Variants in SLC22A25 observed in about 807,000 individuals in gnomAD.
The protein encoded by SLC22A25 is MGI:2442751, MGI:2385316, MGI:3042283, MGI:3645714, MGI:3605624, MGI:2442750.
In SLC22A25, 44 loss-of-function variants were observed where a neutral mutation model predicts 45.9. The ratio of observed to expected loss-of-function variants is 0.96; its 90% confidence interval spans 0.75 to 1.23. SLC22A25 has a LOEUF of 1.23. Among genes scored for constraint, SLC22A25 ranks in the 50% most tolerant of loss-of-function variants. The pLI is 0.00. For synonymous variants in SLC22A25, 283 were observed against 238.6 expected, an observed-to-expected ratio of 1.19 and a Z score of -1.72; for missense variants, 800 against 666.4, an observed-to-expected ratio of 1.20 and a Z score of -2.21.
At chr11:63,220,090 A>G (rs1217083448) in intron 5 of SLC22A25, 15 of 1,028,538 alleles carry the variant, frequency 1.5e-5, no homozygotes, top group Non-Finnish European at 2.0e-5. Flanking sequence ...GACTGTGACA[A>G]TATTGTCCTT....
rs573691625 is a variant in SLC22A25, at chr11:63,159,988, T to G, written c.*3836A>C. Among the ~76,000 whole-genome samples, 22 of 152,274 alleles carry G rather than the reference T, an allele frequency of 1.4e-4. No homozygotes were observed. The East Asian group carries it at 3.5e-3, about 24-fold the overall frequency. On this transcript the variant is annotated 3_prime_UTR_variant, in exon 12 of 12. Transcript: ENST00000306494. ...TTAGGGTATCTGTCAGAAGAAATTT[T>G]TAAGCAGCAAAGCATTCAAGATGTG...
chr11:63,234,822 G>A (rs998020341), intron 3 of SLC22A25, among the ~76,000 whole-genome samples: 2 of 152,136 alleles, frequency 1.3e-5, no homozygotes, highest in Non-Finnish European at 2.9e-5. Context: ...AGCTCTTTTA[G>A]GGCATGCCTG....
intron 9 of SLC22A25, among the ~76,000 whole-genome samples, chr11:63,178,490 C>CT (rs2088200111): frequency 7.0e-6 from 1 of 142,620 alleles, no homozygotes; most frequent in Admixed American, 7.0e-5. Flanking sequence ...TTTTTTTTGT[C>CT]TTTTTGATAA....
intron 7 of SLC22A25, among the ~76,000 whole-genome samples, chr11:63,216,739 T>A (rs1191366349): frequency 6.6e-6 from 1 of 152,136 alleles, no homozygotes; most frequent in Non-Finnish European, 1.5e-5. Flanking sequence ...GGTGATAAAA[T>A]AATCTGTACA....
Position 63,183,721 on chromosome 11 carries a change from C to T in SLC22A25, c.927G>A (p.Lys309=). The part of the protein sequence containing the change: ...LRKAAHRNGM[K]NAEDILTMEV... ...CCATGGTTAGGATGTCTTCAGCATT[C>T]TTCATTCCATTCCTGTGTGCAGCTT... Residue 309 remains lysine (K), a synonymous_variant, in exon 8 of 12, where the codon AAG becomes AAA. Coordinates refer to ENST00000306494, the MANE Select transcript of SLC22A25 (RefSeq NM_199352.6). 6.2e-7 allele frequency: 1 copy of T among 1,613,184 alleles called. No individual in the cohort carries two copies. Among genetic ancestry groups the T allele is most frequent in the Non-Finnish European group, 8.5e-7 (1 of 1,179,348 alleles).
intron 7 of SLC22A25, among the ~76,000 whole-genome samples, chr11:63,193,986 A>G (rs1227330373): frequency 6.6e-6 from 1 of 152,248 alleles, no homozygotes; most frequent in Non-Finnish European, 1.5e-5. Flanking sequence ...GATGGAGCTG[A>G]AAACCATGGC....
At position 63,243,513 on chromosome 11, in the gene SLC22A25, C is replaced by T. The variant is rs2090286328; in HGVS notation, c.-1075G>A. 1.3e-6 allele frequency: 1 copy of T among 762,212 alleles called. No homozygotes were observed. Among genetic ancestry groups the T allele is most frequent in the Admixed American group, 1.7e-5 (1 of 57,552 alleles). The allele number at this position is 762,212 out of a possible 1,614,324, so 47.2% of individuals were successfully genotyped here. ...GGTGCTGTCTGCATGTTCCTGGCCT[C>T]CAGGCTCAAAGAGTCCAGCCCACTG... On this transcript the variant is annotated 5_prime_UTR_variant, in exon 1 of 12. Coordinates refer to ENST00000306494, the MANE Select transcript of SLC22A25 (RefSeq NM_199352.6).
At chr11:63,236,476 G>A (rs1394639254) in intron 3 of SLC22A25, among the ~76,000 whole-genome samples, 1 of 152,178 alleles carries the variant, frequency 6.6e-6, no homozygotes, top group Non-Finnish European at 1.5e-5. Context: ...TGTGCCGTTT[G>A]TGAAGCCCAT....
intron 4 of SLC22A25, among the ~76,000 whole-genome samples, chr11:63,228,888 G>A (rs2090014782): frequency 6.6e-6 from 1 of 152,162 alleles, no homozygotes; most frequent in Non-Finnish European, 1.5e-5. Flanking sequence ...TATGATTGTT[G>A]TAAGATATAG....
At chr11:63,214,237 A>G (rs2089653245) in intron 7 of SLC22A25, among the ~76,000 whole-genome samples, 1 of 152,178 alleles carries the variant, frequency 6.6e-6, no homozygotes, top group Admixed American at 6.5e-5. Flanking sequence ...TATACAGTCA[A>G]CTATAGAGGC....
chr11:63,236,852 C>G (rs1396452078), intron 3 of SLC22A25, among the ~76,000 whole-genome samples: 5 of 152,190 alleles, frequency 3.3e-5, no homozygotes, highest in Admixed American at 3.3e-4. Flanking sequence ...TCACACTTAG[C>G]TTACCTAATG....
At chr11:63,181,542 G>A (rs7938863) in intron 8 of SLC22A25, among the ~76,000 whole-genome samples, 74,430 of 151,682 alleles carry the variant, frequency 0.49, 19,186 homozygotes, top group Non-Finnish European at 0.57. Context: ...GATGAAGCTG[G>A]AAACTAACCC....
Position 63,163,890 on chromosome 11 carries a change from G to A in SLC22A25, c.1578C>T (p.Ser526=), listed in dbSNP as rs772085591. The change falls in exon 12 of 12, where the codon AGC becomes AGT. Residue 526 remains serine (S), a synonymous_variant. Coordinates refer to ENST00000306494, the MANE Select transcript of SLC22A25 (RefSeq NM_199352.6). ...CTCCCTCATTTTCCACATCCTGGAT[G>A]CTGTCAAGAAGAGGCTGGTTCCTGG... ...PETRNQPLLD[S]IQDVENEGVN... The A allele has an allele frequency of 1.9e-6, 3 of 1,613,952 alleles. No homozygotes were observed. In the South Asian group the frequency reaches 3.3e-5, roughly 18 times the overall value.
chr11:63,230,521 G>A (rs2090047290), intron 3 of SLC22A25, among the ~76,000 whole-genome samples: 1 of 152,160 alleles, frequency 6.6e-6, no homozygotes, highest in South Asian at 2.1e-4. Flanking sequence ...CGCACAATGT[G>A]CTATGGAAGA....
intron 3 of SLC22A25, among the ~76,000 whole-genome samples, chr11:63,232,895 G>C (rs1229748169): frequency 6.6e-6 from 1 of 152,162 alleles, no homozygotes; most frequent in Admixed American, 6.5e-5. Flanking sequence ...AGATAATCAT[G>C]TGGTTTTTGT....
intron 7 of SLC22A25, among the ~76,000 whole-genome samples, chr11:63,205,974 G>T (rs1408297380): frequency 6.6e-6 from 1 of 152,102 alleles, no homozygotes; most frequent in East Asian, 1.9e-4. Context: ...TTCATCCCTG[G>T]GATGCAAGGC....
rs190170249 is a variant in SLC22A25, at chr11:63,229,511, G to A, written c.142C>T (p.Arg48Cys). The change falls in exon 4 of 12, where the codon CGC becomes TGC. Residue 48 changes from arginine (R) to cysteine (C), a missense_variant. Transcript: ENST00000306494. ...TTGTCCAGTATATGAACCCAGCAGCGATGATCAAGTATGAATGCTGCGAAG... is the reference window on the plus strand; with the variant it reads ...TTGTCCAGTATATGAACCCAGCAGCAATGATCAAGTATGAATGCTGCGAAG... ...ENFAAFILDH[R>C]CWVHILDNDT... is the part of the protein sequence containing the mutation. The A allele has an allele frequency of 5.6e-5, 91 of 1,614,122 alleles. No individual in the cohort carries two copies. In the Admixed American group the frequency reaches 1.4e-3, roughly 26 times the overall value.
At chr11:63,212,463 C>T (rs896893229) in intron 7 of SLC22A25, among the ~76,000 whole-genome samples, 27 of 152,206 alleles carry the variant, frequency 1.8e-4, no homozygotes, top group African/African-American at 5.8e-4. Flanking sequence ...GTGGCACATA[C>T]ACACCATGGA....
intron 7 of SLC22A25, among the ~76,000 whole-genome samples, chr11:63,212,075 C>A (rs1007919459): frequency 9.2e-5 from 14 of 152,180 alleles, no homozygotes; most frequent in Admixed American, 2.6e-4. Flanking sequence ...AAATGCTCAT[C>A]ATCACTGGCC....
Sources: gnomAD v4.1 joint callset for allele counts (sites outside exome capture counted in the v4.1 genomes callset) on GRCh38, gnomAD v4.1.1 for gene constraint, MANE v1.5 for transcripts, NCBI Gene and HGNC (gene_info 2026-07-23, HGNC 2026-07-21) for gene names.